Variants in RBFOX1 observed in about 807,000 individuals in gnomAD.
RBFOX1 encodes RNA binding fox-1 homolog 1.
A neutral mutation model predicts 57.7 loss-of-function variants in RBFOX1; 8 were observed. The observed-to-expected ratio is 0.14, with a 90% confidence interval of 0.08 to 0.25. RBFOX1 has a LOEUF of 0.25. RBFOX1 is among the 10% of genes least tolerant of loss of function. RBFOX1 has a pLI of 1.00. For synonymous variants in RBFOX1, 326 were observed against 222.4 expected (o/e 1.47, Z -4.15); for missense variants, 611 against 548.5 (o/e 1.11, Z -1.14).
chr16:5,831,398 C>T (rs549365290), intron 3 of RBFOX1, among the ~76,000 whole-genome samples: 45 of 152,134 alleles, frequency 3.0e-4, no homozygotes, highest in African/African-American at 1.1e-3. Context: ...TAAAAGCTCC[C>T]CTGGGCCTAC....
chr16:7,019,373 G>T (rs1029822712), intron 3 of RBFOX1, among the ~76,000 whole-genome samples: 1 of 152,014 alleles, frequency 6.6e-6, no homozygotes, highest in African/African-American at 2.4e-5. Flanking sequence ...TGAGATTCAT[G>T]GACTTCATGA....
intron 1 of RBFOX1, among the ~76,000 whole-genome samples, chr16:5,278,599 T>C (rs2063197422): frequency 6.6e-6 from 1 of 152,212 alleles, no homozygotes; most frequent in South Asian, 2.1e-4. Flanking sequence ...ATGCAGAAGG[T>C]ATTTAGTTTA....
intron 3 of RBFOX1, among the ~76,000 whole-genome samples, chr16:6,785,145 T>A (rs1797071608): frequency 6.6e-6 from 1 of 152,172 alleles, no homozygotes; most frequent in Non-Finnish European, 1.5e-5. Flanking sequence ...AGTGTTATAT[T>A]TCATTTCTGA....
intron 14 of RBFOX1, among the ~76,000 whole-genome samples, chr16:7,686,090 C>G (rs2076001873): frequency 6.6e-6 from 1 of 151,766 alleles, no homozygotes; most frequent in Admixed American, 6.6e-5. Context: ...CTGTCATGAA[C>G]AGAAAGCCCC....
At chr16:5,753,157 C>G (rs759781808) in intron 3 of RBFOX1, among the ~76,000 whole-genome samples, 9 of 150,478 alleles carry the variant, frequency 6.0e-5, no homozygotes, top group Non-Finnish European at 1.3e-4. Context: ...AAAACCTTGT[C>G]TTAAAAAAAA....
chr16:7,654,536 A>G (rs1568306067), intron 12 of RBFOX1, among the ~76,000 whole-genome samples: 1 of 152,208 alleles, frequency 6.6e-6, no homozygotes, highest in Non-Finnish European at 1.5e-5. Context: ...CTCTGTGGGA[A>G]CAATGCAGAT....
chr16:5,430,740 G>A (rs1433278141), intron 1 of RBFOX1, among the ~76,000 whole-genome samples: 1 of 152,222 alleles, frequency 6.6e-6, no homozygotes, highest in Non-Finnish European at 1.5e-5. Flanking sequence ...CAGACCAGAC[G>A]CCTCATTGTA....
intron 3 of RBFOX1, among the ~76,000 whole-genome samples, chr16:6,813,704 C>A (rs897784177): frequency 1.3e-5 from 2 of 152,160 alleles, no homozygotes; most frequent in African/African-American, 4.8e-5. Flanking sequence ...TACTCTCTCA[C>A]CCTATCAAAA....
At chr16:6,311,295 C>CA (rs71145210) in intron 1 of RBFOX1, among the ~76,000 whole-genome samples, 23,818 of 91,138 alleles carry the variant, frequency 0.26, 3,795 homozygotes, top group Non-Finnish European at 0.34. Flanking sequence ...GACTCTGTCT[C>CA]AAAAAAAAAA....
At chr16:6,954,852 A>C (rs778418256) in intron 3 of RBFOX1, among the ~76,000 whole-genome samples, 2 of 152,172 alleles carry the variant, frequency 1.3e-5, no homozygotes, top group Non-Finnish European at 2.9e-5. Flanking sequence ...AACCTTGGGC[A>C]AGTTGCCTTT....
At chr16:6,909,907 C>G (rs949394277) in intron 3 of RBFOX1, among the ~76,000 whole-genome samples, 1 of 152,044 alleles carries the variant, frequency 6.6e-6, no homozygotes, top group Non-Finnish European at 1.5e-5. Context: ...TAATTCTGTT[C>G]GGGCAGGATT....
intron 3 of RBFOX1, among the ~76,000 whole-genome samples, chr16:5,844,327 G>A (rs2056697009): frequency 6.6e-6 from 1 of 152,174 alleles, no homozygotes; most frequent in South Asian, 2.1e-4. Context: ...TTTAAAATCT[G>A]GTTGTTGTGG....
chr16:6,764,964 G>C (rs900691392), intron 3 of RBFOX1, among the ~76,000 whole-genome samples: 4 of 151,804 alleles, frequency 2.6e-5, no homozygotes, highest in African/African-American at 9.7e-5. Flanking sequence ...AAAGAAAAGA[G>C]TAAATTAATG....
chr16:5,564,808 G>T (rs114378673), intron 2 of RBFOX1, among the ~76,000 whole-genome samples: 1 of 152,096 alleles, frequency 6.6e-6, no homozygotes, highest in African/African-American at 2.4e-5. Context: ...CAGTTTTCAC[G>T]GTTCTCCAGC....
chr16:6,935,761 G>A (rs1027523547), intron 3 of RBFOX1, among the ~76,000 whole-genome samples: 30 of 152,162 alleles, frequency 2.0e-4, no homozygotes, highest in African/African-American at 7.2e-4. Context: ...AATGGAAAGT[G>A]CTTTGTAGAG....
chr16:6,819,402 A>T (rs2090820844), intron 3 of RBFOX1, among the ~76,000 whole-genome samples: 1 of 152,170 alleles, frequency 6.6e-6, no homozygotes, highest in South Asian at 2.1e-4. Flanking sequence ...TTTAAGTTGC[A>T]AAAGGTCATC....
intron 3 of RBFOX1, among the ~76,000 whole-genome samples, chr16:5,747,352 T>C (rs1429300535): frequency 6.6e-6 from 1 of 152,174 alleles, no homozygotes; most frequent in East Asian, 1.9e-4. Flanking sequence ...TCTCTGTTTT[T>C]GTTGTGTCTC....
chr16:5,396,826 G>A (rs368384112), intron 1 of RBFOX1, among the ~76,000 whole-genome samples: 36 of 152,320 alleles, frequency 2.4e-4, no homozygotes, highest in African/African-American at 8.4e-4. Context: ...AGAGAGAGTA[G>A]ATTGATTTCT....
chr16:6,320,260 T>A (rs935653713), intron 2 of RBFOX1, among the ~76,000 whole-genome samples: 8 of 152,160 alleles, frequency 5.3e-5, no homozygotes, highest in African/African-American at 1.9e-4. Context: ...TCCCTAATAA[T>A]AAAGGAAATT....
Sources: gnomAD v4.1 joint callset for allele counts (sites outside exome capture counted in the v4.1 genomes callset) on GRCh38, gnomAD v4.1.1 for gene constraint, MANE v1.5 for transcripts, NCBI Gene and HGNC (gene_info 2026-07-23, HGNC 2026-07-21) for gene names.